CA10: variants seen among roughly 807,000 people sequenced by gnomAD.
CA10 encodes carbonic anhydrase-related protein 10.
In CA10, 14 loss-of-function variants were observed where a neutral mutation model predicts 44.2. The ratio of observed to expected loss-of-function variants is 0.32; its 90% CI spans 0.21 to 0.50. The LOEUF is 0.50. Among genes scored for constraint, CA10 ranks in the 20% least tolerant of loss-of-function variants. CA10 has a pLI of 0.99. For synonymous variants in CA10, 159 were observed against 141.6 expected, an observed-to-expected ratio of 1.12 and a Z score of -0.87; for missense variants, 350 against 409.7, an observed-to-expected ratio of 0.85 and a Z score of 1.26.
intron 4 of CA10, chr17:51,661,601 A>C (rs928560947): frequency 6.6e-6 from 1 of 152,254 alleles, no homozygotes; most frequent in African/African-American, 2.4e-5. Flanking sequence ...TGTTGTTGTT[A>C]TGCAATATTT....
intron 3 of CA10, among the ~76,000 whole-genome samples, chr17:51,901,497 A>T (rs943476398): frequency 6.6e-6 from 1 of 152,178 alleles, no homozygotes; most frequent in African/African-American, 2.4e-5. Context: ...ACATGCCAGC[A>T]ACTGCAGCAG....
intron 3 of CA10, among the ~76,000 whole-genome samples, chr17:51,791,437 G>A (rs1567840844): frequency 6.6e-6 from 1 of 152,174 alleles, no homozygotes; most frequent in Non-Finnish European, 1.5e-5. Context: ...TGCACAGTGG[G>A]TGTTCAACTA....
chr17:52,061,780 C>A (rs550895590), intron 2 of CA10, among the ~76,000 whole-genome samples: 2 of 152,290 alleles, frequency 1.3e-5, no homozygotes, highest in Admixed American at 6.5e-5. Flanking sequence ...GCATGTGGAA[C>A]TGTGAGTCAA....
chr17:51,847,755 T>C (rs1053764625), intron 3 of CA10, among the ~76,000 whole-genome samples: 2 of 152,242 alleles, frequency 1.3e-5, no homozygotes, highest in South Asian at 2.1e-4. Flanking sequence ...TGGGTCTCTG[T>C]AACCAAAGCT....
At chr17:51,817,529 G>A (rs1043453989) in intron 3 of CA10, among the ~76,000 whole-genome samples, 1 of 152,188 alleles carries the variant, frequency 6.6e-6, no homozygotes, top group Non-Finnish European at 1.5e-5. Context: ...CCTGAAGCTG[G>A]GCACAAGGGA....
At chr17:52,020,139 A>C (rs2055106557) in intron 2 of CA10, among the ~76,000 whole-genome samples, 1 of 151,968 alleles carries the variant, frequency 6.6e-6, no homozygotes, top group African/African-American at 2.4e-5. Context: ...CCCTTTTATC[A>C]TTATAAAATA....
At chr17:51,729,122 C>A (rs946650490) in intron 4 of CA10, among the ~76,000 whole-genome samples, 3 of 152,120 alleles carry the variant, frequency 2.0e-5, no homozygotes, top group Admixed American at 2.0e-4. Flanking sequence ...ACAGTCCCAA[C>A]ACTGGCCCAC....
chr17:52,105,340 C>T (rs901480516), intron 1 of CA10, among the ~76,000 whole-genome samples: 6 of 152,018 alleles, frequency 3.9e-5, no homozygotes, highest in Admixed American at 1.3e-4. Context: ...GTGCAAGCTC[C>T]GCCTCCCGGG....
chr17:51,878,237 G>A (rs1033042954), intron 3 of CA10, among the ~76,000 whole-genome samples: 3 of 150,504 alleles, frequency 2.0e-5, no homozygotes, highest in Non-Finnish European at 4.4e-5. Flanking sequence ...CCTCCAGAAA[G>A]TTGGGAATTC....
chr17:51,819,803 C>A (rs533242017), intron 3 of CA10, among the ~76,000 whole-genome samples: 5 of 152,146 alleles, frequency 3.3e-5, no homozygotes, highest in Non-Finnish European at 4.4e-5. Flanking sequence ...CTTCCTGTTG[C>A]CTCCAGACTC....
intron 1 of CA10, among the ~76,000 whole-genome samples, chr17:52,138,531 G>A (rs1220545586): frequency 6.6e-6 from 1 of 152,188 alleles, no homozygotes. Flanking sequence ...CAGGATGCAG[G>A]CATGTGACTG....
chr17:51,957,032 G>A (rs542558895), intron 2 of CA10, among the ~76,000 whole-genome samples: 1 of 152,176 alleles, frequency 6.6e-6, no homozygotes, highest in East Asian at 1.9e-4. Flanking sequence ...TACTGGCCCA[G>A]ATTGCTTTTA....
intron 3 of CA10, among the ~76,000 whole-genome samples, chr17:51,820,419 G>GC (rs749664426): frequency 4.3e-5 from 1 of 23,448 alleles, no homozygotes; most frequent in Admixed American, 4.4e-4. Context: ...CCCCCCCCCC[G>GC]CCCGCCGATT....
chr17:51,740,112 T>C (rs980642716), intron 4 of CA10, among the ~76,000 whole-genome samples: 22 of 152,210 alleles, frequency 1.4e-4, no homozygotes. Flanking sequence ...TCATGATCTA[T>C]TGGGTATAAT....
chr17:51,831,043 G>T (rs1908221670), intron 3 of CA10, among the ~76,000 whole-genome samples: 1 of 152,298 alleles, frequency 6.6e-6, no homozygotes, highest in Non-Finnish European at 1.5e-5. Flanking sequence ...ATGTGAGGGG[G>T]TGGCCATGTG....
At chr17:52,072,296 T>G in intron 2 of CA10, 23 bp downstream of exon 2, 1 of 1,481,720 alleles carries the variant, frequency 6.7e-7, no homozygotes, top group East Asian at 2.3e-5. Context: ...AATAAATAAA[T>G]TAAAGAATTA....
In CA10 at chr17:51,722,131, C is replaced by T. The variant is rs77252956; in HGVS notation, c.465+25502G>A. Among the ~76,000 whole-genome samples, 1,086 of 152,070 alleles carry T rather than the reference C, an allele frequency of 7.1e-3. 17 individuals are homozygous for T. Among genetic ancestry groups the T allele is most frequent in the African/African-American group, 0.025 (1,032 of 41,494 alleles). ...TTAGAATTGAATTAAATTGTAGAACCGTCAGCTGGTGTTTGGAGAACTGGA... is the reference window on the plus strand; with the variant it reads ...TTAGAATTGAATTAAATTGTAGAACTGTCAGCTGGTGTTTGGAGAACTGGA... On this transcript the variant is annotated intron_variant, in intron 4 of 8. Transcript: ENST00000451037.
chr17:52,147,208 A>T (rs1459061351), intron 1 of CA10, among the ~76,000 whole-genome samples: 1 of 152,056 alleles, frequency 6.6e-6, no homozygotes, highest in Non-Finnish European at 1.5e-5. Flanking sequence ...TTTTTTCCTA[A>T]TTTTTTTCAT....
chr17:52,067,943 G>T (rs973459350), intron 2 of CA10, among the ~76,000 whole-genome samples: 13 of 152,186 alleles, frequency 8.5e-5, no homozygotes, highest in Non-Finnish European at 4.4e-5. Context: ...GGCAGAAGGG[G>T]CTGGCCTTGT....
Sources: allele counts gnomAD v4.1 joint callset (sites outside exome capture counted in the v4.1 genomes callset), GRCh38; gene constraint gnomAD v4.1.1; transcripts MANE v1.5; gene names NCBI Gene and HGNC (gene_info 2026-07-23, HGNC 2026-07-21).